Variants in KCNB2 observed in about 807,000 individuals in gnomAD.
The protein encoded by KCNB2 is delayed rectifier potassium channel protein.
A neutral mutation model predicts 61.5 loss-of-function variants in KCNB2; 15 were observed. That is an observed-to-expected ratio of 0.24 (90% CI 0.16 to 0.38). The LOEUF (loss-of-function observed/expected upper bound fraction) is 0.38, where lower values mean the gene tolerates loss of function less well. Ranked by LOEUF, KCNB2 falls within the 10% of genes least tolerant of loss-of-function variation. The probability of loss-of-function intolerance (pLI) is 1.00; values close to 1 mark genes in which losing one functional copy is unlikely to be tolerated. For synonymous variants in KCNB2, 457 were observed against 446.0 expected (o/e 1.02, Z -0.31); for missense variants, 828 against 1,125.2 (o/e 0.74, Z 3.78).
chr8:72,711,333 GAGC>G (rs1402737184), intron 2 of KCNB2, among the ~76,000 whole-genome samples: 1 of 152,184 alleles, frequency 6.6e-6, no homozygotes, highest in Non-Finnish European at 1.5e-5. Flanking sequence ...AAGTATCTGT[GAGC>G]AGCACTCGTG....
intron 2 of KCNB2, among the ~76,000 whole-genome samples, chr8:72,588,632 G>A (rs1280333262): frequency 2.0e-5 from 3 of 152,068 alleles, no homozygotes; most frequent in Non-Finnish European, 2.9e-5. Flanking sequence ...GATGGCCTAT[G>A]TCTGTATTCC....
chr8:72,790,233 A>G (rs796715293), intron 2 of KCNB2, among the ~76,000 whole-genome samples: 3 of 152,314 alleles, frequency 2.0e-5, no homozygotes, highest in African/African-American at 7.2e-5. Context: ...AAGTCAAGGT[A>G]GTAAATGAAA....
chr8:72,931,122 A>T (rs540446891), intron 2 of KCNB2, among the ~76,000 whole-genome samples: 5 of 152,236 alleles, frequency 3.3e-5, no homozygotes, highest in Non-Finnish European at 5.9e-5. Context: ...GTGTGGTATT[A>T]TTTCTGAGGG....
At chr8:72,754,972 C>T (rs1808263798) in intron 2 of KCNB2, among the ~76,000 whole-genome samples, 1 of 152,128 alleles carries the variant, frequency 6.6e-6, no homozygotes, top group African/African-American at 2.4e-5. Context: ...ACACACACCA[C>T]CTGAGCCAGA....
At chr8:72,693,163 T>A (rs1022057479) in intron 2 of KCNB2, among the ~76,000 whole-genome samples, 2 of 152,166 alleles carry the variant, frequency 1.3e-5, no homozygotes, top group East Asian at 1.9e-4. Flanking sequence ...CCTTCTCTCG[T>A]TTGCTGCGGG....
chr8:72,834,306 A>G (rs542479943), intron 2 of KCNB2, among the ~76,000 whole-genome samples: 1 of 152,294 alleles, frequency 6.6e-6, no homozygotes, highest in South Asian at 2.1e-4. Context: ...ATTACAAGCT[A>G]TGAGATGACT....
chr8:72,764,770 G>A lies in KCNB2; in HGVS notation c.580-171165G>A, dbSNP rs1018430429. 3.3e-5 allele frequency among the ~76,000 whole-genome samples: 5 copies of A among 152,250 alleles called. No individual in the cohort carries two copies. In the South Asian group the frequency reaches 8.3e-4, roughly 25 times the overall value. ...CTTATGCACATATTTAGGAGAGTACGTTCTCAAATTTATCAAGAGAAAATG... is the reference window on the plus strand; with the variant it reads ...CTTATGCACATATTTAGGAGAGTACATTCTCAAATTTATCAAGAGAAAATG... On this transcript the variant is annotated intron_variant, in intron 2 of 2. Coordinates refer to ENST00000523207, the MANE Select transcript of KCNB2 (RefSeq NM_004770.3).
chr8:72,700,988 AC>A (rs1807113742), intron 2 of KCNB2, among the ~76,000 whole-genome samples: 1 of 152,150 alleles, frequency 6.6e-6, no homozygotes, highest in South Asian at 2.1e-4. Flanking sequence ...GAACAAGAAT[AC>A]CACATGTTCT....
intron 2 of KCNB2, among the ~76,000 whole-genome samples, chr8:72,575,873 T>C (rs185627746): frequency 6.6e-6 from 1 of 152,358 alleles, no homozygotes; most frequent in Admixed American, 6.5e-5. Flanking sequence ...TCCTATAATT[T>C]TTTTAAAGAG....
intron 2 of KCNB2, among the ~76,000 whole-genome samples, chr8:72,772,227 C>T (rs1197810693): frequency 6.6e-6 from 1 of 152,148 alleles, no homozygotes; most frequent in Non-Finnish European, 1.5e-5. Flanking sequence ...TACAGCAGGT[C>T]GTACCCACAG....
chr8:72,857,746 T>G (rs1443846959), intron 2 of KCNB2, among the ~76,000 whole-genome samples: 2 of 152,200 alleles, frequency 1.3e-5, no homozygotes, highest in Admixed American at 6.6e-5. Context: ...ATGATCATGA[T>G]GCAATAACCT....
At chr8:72,580,692 C>T (rs1585764065) in intron 2 of KCNB2, among the ~76,000 whole-genome samples, 1 of 152,166 alleles carries the variant, frequency 6.6e-6, no homozygotes, top group East Asian at 1.9e-4. Context: ...TTTGTCCCTA[C>T]TGCAAGTTCT....
At chr8:72,713,350 G>A (rs1259618919) in intron 2 of KCNB2, among the ~76,000 whole-genome samples, 1 of 152,222 alleles carries the variant, frequency 6.6e-6, no homozygotes, top group Non-Finnish European at 1.5e-5. Context: ...CTGAGAACGG[G>A]CAGACTGCCT....
At chr8:72,746,871 A>T (rs1223951740) in intron 2 of KCNB2, among the ~76,000 whole-genome samples, 1 of 152,008 alleles carries the variant, frequency 6.6e-6, no homozygotes, top group Non-Finnish European at 1.5e-5. Flanking sequence ...CTTCAAACTA[A>T]ATTTTATTGT....
chr8:72,551,285 T>A (rs1023475806), intron 1 of KCNB2, among the ~76,000 whole-genome samples: 3 of 152,178 alleles, frequency 2.0e-5, no homozygotes, highest in African/African-American at 4.8e-5. Flanking sequence ...CCTAAAACCC[T>A]TAAATGATTT....
chr8:72,928,728 CAT>C (rs1806709550), intron 2 of KCNB2, among the ~76,000 whole-genome samples: 1 of 148,286 alleles, frequency 6.7e-6, no homozygotes, highest in Non-Finnish European at 1.5e-5. Flanking sequence ...TTATAAAAAA[CAT>C]ATTTTAAGAC....
intron 2 of KCNB2, among the ~76,000 whole-genome samples, chr8:72,894,679 C>G (rs775284302): frequency 6.6e-6 from 1 of 152,108 alleles, no homozygotes; most frequent in Non-Finnish European, 1.5e-5. Flanking sequence ...CCAATTCATC[C>G]TGTTTGGATG....
intron 2 of KCNB2, among the ~76,000 whole-genome samples, chr8:72,902,518 G>T (rs916120790): frequency 6.6e-6 from 1 of 151,978 alleles, no homozygotes; most frequent in Admixed American, 6.6e-5. Context: ...GCATTAGAAG[G>T]GTATGCTACA....
In KCNB2 at chr8:72,675,545, C is replaced by G. The variant is rs149587542; in HGVS notation, c.579+107232C>G. 3.3e-3 allele frequency among the ~76,000 whole-genome samples: 497 copies of G among 151,344 alleles called. 1 individual carries two copies. Among genetic ancestry groups the G allele is most frequent in the Non-Finnish European group, 5.7e-3 (385 of 67,876 alleles). ...TTTTTTTTTTTTGAGATGAGTCTCA[C>G]TCTGTCACCCAGGCTGGAGTGCAAT... On this transcript the variant is annotated intron_variant, in intron 2 of 2. Coordinates refer to ENST00000523207, the MANE Select transcript of KCNB2 (RefSeq NM_004770.3).
Sources: allele counts gnomAD v4.1 joint callset (sites outside exome capture counted in the v4.1 genomes callset), GRCh38; gene constraint gnomAD v4.1.1; transcripts MANE v1.5; gene names NCBI Gene and HGNC (gene_info 2026-07-23, HGNC 2026-07-21).